ERC2: variants seen among roughly 807,000 people sequenced by gnomAD.
ERC2 encodes ERC protein 2.
In ERC2, 42 loss-of-function variants were observed where a neutral mutation model predicts 114.8. The observed-to-expected ratio is 0.37, with a 90% CI of 0.29 to 0.47. The LOEUF (loss-of-function observed/expected upper bound fraction) is 0.47. Among genes scored for constraint, ERC2 ranks in the 20% least tolerant of loss-of-function variants. ERC2 has a pLI of 0.99. For missense variants in ERC2, 939 were observed against 1,150.7 expected (o/e 0.82, Z 2.66); for synonymous variants, 454 against 425.5 (o/e 1.07, Z -0.82).
At chr3:55,891,304 C>A (rs191884380) in intron 13 of ERC2, among the ~76,000 whole-genome samples, 1 of 152,256 alleles carries the variant, frequency 6.6e-6, no homozygotes, top group African/African-American at 2.4e-5. Flanking sequence ...CCCTGAGTGA[C>A]CACAATGAAG....
chr3:55,962,479 G>T (rs1363627810), intron 12 of ERC2, among the ~76,000 whole-genome samples: 1 of 152,134 alleles, frequency 6.6e-6, no homozygotes, highest in African/African-American at 2.4e-5. Context: ...AACTTTATTT[G>T]CAAGAACAAG....
chr3:55,593,606 C>T (rs1270702038), intron 17 of ERC2, among the ~76,000 whole-genome samples: 1 of 152,174 alleles, frequency 6.6e-6, no homozygotes, highest in East Asian at 1.9e-4. Context: ...GCATGTGCCT[C>T]ACTGATGACA....
At chr3:55,555,978 C>A (rs2055579393) in intron 17 of ERC2, among the ~76,000 whole-genome samples, 1 of 152,208 alleles carries the variant, frequency 6.6e-6, no homozygotes, top group Non-Finnish European at 1.5e-5. Flanking sequence ...AGCCCCACGA[C>A]TGAGCTCACA....
At chr3:55,618,039 TG>T in intron 17 of ERC2, among the ~76,000 whole-genome samples, 1 of 152,262 alleles carries the variant, frequency 6.6e-6, no homozygotes, top group South Asian at 2.1e-4. Flanking sequence ...CAAATCTCGG[TG>T]GTGGGAGAAA....
intron 2 of ERC2, among the ~76,000 whole-genome samples, chr3:56,343,192 T>A (rs62255871): frequency 0.61 from 77,560 of 126,154 alleles, 24,045 homozygotes; most frequent in South Asian, 0.74. Flanking sequence ...TCTCTCTCTC[T>A]CACACACACA....
intron 2 of ERC2, among the ~76,000 whole-genome samples, chr3:56,362,914 T>C (rs1229743363): frequency 6.6e-6 from 1 of 152,222 alleles, no homozygotes; most frequent in Non-Finnish European, 1.5e-5. Context: ...TATCCAGCAA[T>C]TGGCAGACCC....
chr3:56,434,338 A>T lies in ERC2; in HGVS notation c.657+13T>A, dbSNP rs756435726. 2 of 1,607,968 alleles carry T rather than the reference A, an allele frequency of 1.2e-6. No homozygotes were observed. Among genetic ancestry groups the T allele is most frequent in the Non-Finnish European group, 1.7e-6 (2 of 1,176,754 alleles). On this transcript the variant is annotated intron_variant, in intron 2 of 17. Transcript: ENST00000288221. ...GCCAAGGCTGAAAAATACTGAGATGAGTCATGACCTACCTGATTTTCTTCA... is the reference window on the plus strand; with the variant it reads ...GCCAAGGCTGAAAAATACTGAGATGTGTCATGACCTACCTGATTTTCTTCA...
At chr3:55,683,001 T>G (rs2062133088) in intron 17 of ERC2, among the ~76,000 whole-genome samples, 1 of 152,238 alleles carries the variant, frequency 6.6e-6, no homozygotes, top group Non-Finnish European at 1.5e-5. Context: ...GTGTCACTAT[T>G]CAATCGTAAT....
chr3:55,836,966 A>C (rs934957161), intron 14 of ERC2, among the ~76,000 whole-genome samples: 2 of 152,240 alleles, frequency 1.3e-5, no homozygotes, highest in Non-Finnish European at 2.9e-5. Context: ...ACATTTCTCA[A>C]AAGAAGAGAT....
chr3:55,854,232 G>C (rs1031157320), intron 14 of ERC2, among the ~76,000 whole-genome samples: 1 of 152,138 alleles, frequency 6.6e-6, no homozygotes. Flanking sequence ...CTGAGATTGC[G>C]CCACTGCACT....
chr3:56,058,634 A>G (rs1350239856), intron 7 of ERC2, among the ~76,000 whole-genome samples: 1 of 152,170 alleles, frequency 6.6e-6, no homozygotes, highest in Non-Finnish European at 1.5e-5. Flanking sequence ...GCCTCATCCA[A>G]TCAAAACAAA....
chr3:56,322,595 T>G (rs544444895), intron 2 of ERC2, among the ~76,000 whole-genome samples: 7 of 152,150 alleles, frequency 4.6e-5, no homozygotes, highest in Non-Finnish European at 1.0e-4. Context: ...ACAACATGTA[T>G]GAAATAATGG....
At chr3:56,224,796 A>G (rs2050144996) in intron 3 of ERC2, among the ~76,000 whole-genome samples, 1 of 152,206 alleles carries the variant, frequency 6.6e-6, no homozygotes, top group African/African-American at 2.4e-5. Flanking sequence ...CCCAAGAGAT[A>G]CTAATCAAAA....
intron 3 of ERC2, among the ~76,000 whole-genome samples, chr3:56,204,545 C>T (rs4974181): frequency 0.48 from 68,624 of 143,910 alleles, 16,149 homozygotes; most frequent in East Asian, 0.72. Flanking sequence ...CACTCTGTCG[C>T]CAGCCTGGAG....
At chr3:55,864,138 T>TATATATATATAC (rs1559782811) in intron 14 of ERC2, among the ~76,000 whole-genome samples, 189 of 123,998 alleles carry the variant, frequency 1.5e-3, no homozygotes, top group African/African-American at 5.6e-3. Flanking sequence ...CATATATATA[T>TATATATATATAC]ACATATATAT....
chr3:55,633,812 T>A (rs958729380), intron 17 of ERC2, among the ~76,000 whole-genome samples: 1 of 152,202 alleles, frequency 6.6e-6, no homozygotes, highest in Non-Finnish European at 1.5e-5. Context: ...TTAAATGATT[T>A]CATCCTTCAT....
intron 2 of ERC2, among the ~76,000 whole-genome samples, chr3:56,356,722 C>T (rs543687132): frequency 3.9e-4 from 59 of 152,280 alleles, no homozygotes; most frequent in Middle Eastern, 3.4e-3. Flanking sequence ...TAACCCTGAC[C>T]AACTCCAGCT....
chr3:56,032,249 G>T (rs930548229), intron 7 of ERC2, among the ~76,000 whole-genome samples: 2 of 152,134 alleles, frequency 1.3e-5, no homozygotes, highest in African/African-American at 4.8e-5. Context: ...TGAGCCTCAG[G>T]TATTCCTTGA....
chr3:56,061,415 C>T (rs768418707), intron 7 of ERC2, among the ~76,000 whole-genome samples: 9 of 152,180 alleles, frequency 5.9e-5, no homozygotes, highest in Admixed American at 2.6e-4. Flanking sequence ...GCTGACACTG[C>T]AATTGGGAGA....
Sources: allele counts gnomAD v4.1 joint callset (sites outside exome capture counted in the v4.1 genomes callset), GRCh38; gene constraint gnomAD v4.1.1; transcripts MANE v1.5; gene names NCBI Gene and HGNC (gene_info 2026-07-23, HGNC 2026-07-21).